Variants in CFAP57 observed in about 807,000 individuals in gnomAD.
The protein encoded by CFAP57 is cilia and flagella associated protein 57.
In CFAP57, 116 loss-of-function variants were observed where a neutral mutation model predicts 146.8. That is an observed-to-expected ratio of 0.79 (90% CI 0.68 to 0.92). The LOEUF (loss-of-function observed/expected upper bound fraction) is 0.92, where lower values mean the gene tolerates loss of function less well. CFAP57 is among the 40% of genes least tolerant of loss of function. The pLI is 0.00. For synonymous variants in CFAP57, 518 were observed against 552.8 expected (o/e 0.94, Z 0.88); for missense variants, 1,377 against 1,527.2 (o/e 0.90, Z 1.64).
chr1:43,183,899 G>T, intron 4 of CFAP57, 22 bp downstream of exon 4: 1 of 1,612,954 alleles, frequency 6.2e-7, no homozygotes. Flanking sequence ...TCCTGGGCTG[G>T]TGCTCCCACA....
intron 2 of CFAP57, among the ~76,000 whole-genome samples, chr1:43,177,472 G>A (rs1645216439): frequency 6.6e-6 from 1 of 152,142 alleles, no homozygotes; most frequent in Admixed American, 6.5e-5. Context: ...TGCTCAGTAA[G>A]CAGGTTGATT....
intron 11 of CFAP57, chr1:43,210,592 T>G (rs1644560563): frequency 4.4e-6 from 1 of 229,506 alleles, no homozygotes; most frequent in African/African-American, 2.3e-5. Flanking sequence ...AAGTACAGTG[T>G]GATTCCACTT....
At chr1:43,188,134 G>A (rs1643271765) in intron 6 of CFAP57, among the ~76,000 whole-genome samples, 1 of 152,130 alleles carries the variant, frequency 6.6e-6, no homozygotes, top group Non-Finnish European at 1.5e-5. Context: ...CCATGTTGTA[G>A]CAGGTATCAG....
chr1:43,172,413 T>G lies in CFAP57; in HGVS notation c.-60T>G. On this transcript the variant is annotated 5_prime_UTR_variant, in exon 1 of 23. Coordinates refer to ENST00000372492, the MANE Select transcript of CFAP57 (RefSeq NM_001378189.1). Reference sequence around the variant, plus strand: ...TTAGGATCCCTACAGGTAGCGCCTCTGGATACATGCGTGGTCTGCTGACCC... The same window carrying G: ...TTAGGATCCCTACAGGTAGCGCCTCGGGATACATGCGTGGTCTGCTGACCC... 1 of 1,551,264 alleles carries G rather than the reference T, an allele frequency of 6.4e-7. No homozygotes were observed.
At chr1:43,247,719 T>C (rs1445763571) in intron 22 of CFAP57, among the ~76,000 whole-genome samples, 1 of 152,254 alleles carries the variant, frequency 6.6e-6, no homozygotes, top group Non-Finnish European at 1.5e-5. Flanking sequence ...TTTCTCTGTA[T>C]GTGCAAAGAA....
chr1:43,217,691 C>G (rs894932581), intron 12 of CFAP57, among the ~76,000 whole-genome samples: 1 of 152,170 alleles, frequency 6.6e-6, no homozygotes, highest in African/African-American at 2.4e-5. Flanking sequence ...CCCTGTCTGT[C>G]TCTCGCCTGG....
In CFAP57 at chr1:43,198,405, A is replaced by G. The variant is rs1643957486; in HGVS notation, c.1263-76A>G. On this transcript the variant is annotated intron_variant, in intron 7 of 22. Coordinates refer to ENST00000372492, the MANE Select transcript of CFAP57 (RefSeq NM_001378189.1). ...GTGTCTCAAATACGATGATAACAAT[A>G]TATATCAGATACAGTAGATGACTGG... The G allele has an allele frequency of 2.7e-6, 4 of 1,463,748 alleles. No individual in the cohort carries two copies. The East Asian group carries it at 9.1e-5, about 33-fold the overall frequency. The allele number at this position is 1,463,748 out of a possible 1,614,324, so 90.7% of individuals were successfully genotyped here. A position where few individuals can be genotyped will look rare whatever the true frequency, so the allele number is the denominator to read the frequency against.
At position 43,198,560 on chromosome 1, in the gene CFAP57, G is replaced by A. The variant is rs1347058727; in HGVS notation, c.1342G>A (p.Gly448Arg). The change falls in exon 8 of 23, where the codon GGG (glycine) becomes AGG (arginine). Residue 448 changes from glycine (G) to arginine (R), a missense_variant. Gly to Arg is a moderately radical substitution (Grantham distance 125). Transcript: ENST00000372492. ...TCCATCTGGACACTTCATTGTAGTAGGGTTTGCTGACAAACTACGCCTCAT... is the reference window on the plus strand; with the variant it reads ...TCCATCTGGACACTTCATTGTAGTAAGGTTTGCTGACAAACTACGCCTCAT... The part of the protein sequence containing the change: ...LHPSGHFIVV[G>R]FADKLRLMNL... 1 of 1,614,028 alleles carries A rather than the reference G, an allele frequency of 6.2e-7. No homozygotes were observed. The highest frequency in any genetic ancestry group is 8.5e-7 in the Non-Finnish European group (1 of 1,179,980).
Position 43,209,873 on chromosome 1 carries a change from A to G in CFAP57, c.1886A>G (p.Lys629Arg). The G allele has an allele frequency of 6.2e-7, 1 of 1,614,262 alleles. No individual in the cohort carries two copies. The change falls in exon 11 of 23, where the codon AAG (lysine) becomes AGG (arginine). Residue 629 changes from lysine to arginine, a missense_variant. Lys to Arg is a conservative substitution (Grantham distance 26). Transcript: ENST00000372492. Reference protein sequence around the residue: ...RAMKYPLPLQKEFNEYQAHAG... With the variant: ...RAMKYPLPLQREFNEYQAHAG... ...ATGAAGTACCCTCTGCCTCTGCAGA[A>G]GGAATTCAATGAGTACCAGGCCCAT...
In CFAP57 at chr1:43,198,608, C is replaced by T. The variant is rs767461121; in HGVS notation, c.1390C>T (p.Arg464Cys). 14 of 1,613,686 alleles carry T rather than the reference C, an allele frequency of 8.7e-6. No homozygotes were observed. The highest frequency in any genetic ancestry group is 4.5e-5 in the East Asian group (2 of 44,874). Residue 464 changes from arginine to cysteine, a missense_variant, in exon 8 of 23, where the codon CGT (arginine) becomes TGT (cysteine). Transcript: ENST00000372492. The part of the protein sequence containing the change: ...RLMNLLIDDI[R>C]SFKEYSVRGC... ...CATGAATCTACTCATTGATGATATA[C>T]GTTCTTTCAAAGAATACTCTGTTAG...
chr1:43,244,192 C>T lies in CFAP57; in HGVS notation c.3538+833C>T, dbSNP rs1249298447. ...TAAAAACCAAGAGATTAAGGCATCT[C>T]TATGGCAAATTAAGCCAACATGGTT... On this transcript the variant is annotated intron_variant, in intron 22 of 22. Transcript: ENST00000372492. Among the ~76,000 whole-genome samples the T allele has an allele frequency of 2.7e-4, 41 of 152,198 alleles. 1 individual carries two copies. The highest frequency in any genetic ancestry group is 2.7e-3 in the Admixed American group (41 of 15,282).
At chr1:43,207,438 A>G (rs1644404519) in intron 10 of CFAP57, among the ~76,000 whole-genome samples, 1 of 152,220 alleles carries the variant, frequency 6.6e-6, no homozygotes, top group Non-Finnish European at 1.5e-5. Context: ...TACAGTATTC[A>G]GCATAGTCAC....
At chr1:43,198,692 C>G (rs557398448) in intron 8 of CFAP57, 46 bp downstream of exon 8, 6 of 1,603,634 alleles carry the variant, frequency 3.7e-6, no homozygotes, top group Non-Finnish European at 5.1e-6. Flanking sequence ...TCTTAGAAAG[C>G]CACGGCTGAA....
At chr1:43,180,750 G>C (rs902928443) in intron 2 of CFAP57, among the ~76,000 whole-genome samples, 12 of 152,148 alleles carry the variant, frequency 7.9e-5, no homozygotes, top group African/African-American at 2.9e-4. Context: ...TGCAAGGGAG[G>C]CTGAGGAATC....
chr1:43,253,150 G>C (rs1002521898), intron 22 of CFAP57, among the ~76,000 whole-genome samples: 17 of 152,172 alleles, frequency 1.1e-4, no homozygotes, highest in Non-Finnish European at 1.5e-4. Context: ...GGTGCTGTTG[G>C]GAAGATGGAG....
Position 43,253,883 on chromosome 1 carries a change from A to G in CFAP57, c.3539-94A>G, listed in dbSNP as rs75190286. On this transcript the variant is annotated intron_variant, in intron 22 of 22. Coordinates refer to ENST00000372492, the MANE Select transcript of CFAP57 (RefSeq NM_001378189.1). ...TTGAGTGCTCCACAGTAGGTGCCCA[A>G]TAAATGTTTGAGGAAGCAGGGAGGG... The G allele has an allele frequency of 6.2e-4, 719 of 1,159,744 alleles. 1 individual carries two copies. In the African/African-American group the frequency reaches 9.5e-3, roughly 15 times the overall value. 71.8% of individuals were successfully genotyped at this position (1,159,744 alleles called of 1,614,324 possible). A position where few individuals can be genotyped will look rare whatever the true frequency, so the allele number is the denominator to read the frequency against.
intron 11 of CFAP57, among the ~76,000 whole-genome samples, chr1:43,213,737 T>C (rs116321897): frequency 0.05 from 7,681 of 152,268 alleles, 650 homozygotes; most frequent in African/African-American, 0.18. Context: ...GTCTTTTTGA[T>C]AATACCTACT....
At chr1:43,227,390 C>T (rs931351804) in intron 18 of CFAP57, among the ~76,000 whole-genome samples, 11 of 152,196 alleles carry the variant, frequency 7.2e-5, no homozygotes, top group Non-Finnish European at 1.2e-4. Context: ...CCTCAGTGTG[C>T]GGTGTACTGT....
At position 43,235,769 on chromosome 1, in the gene CFAP57, C is replaced by T. The variant is rs1645663105; in HGVS notation, c.3405+1131C>T. The stretch of plus-strand genomic sequence containing the variant: ...CCTGGAGTACCTAGAGCATGGAGAG[C>T]CCCCTGGGGCTCTGGAGTGCAGTGA... On this transcript the variant is annotated intron_variant, in intron 21 of 22. Coordinates refer to ENST00000372492, the MANE Select transcript of CFAP57 (RefSeq NM_001378189.1). 3.3e-5 allele frequency among the ~76,000 whole-genome samples: 5 copies of T among 152,300 alleles called. 1 individual carries two copies. The South Asian group carries it at 1.0e-3, about 32-fold the overall frequency.
Sources: allele counts gnomAD v4.1 joint callset (sites outside exome capture counted in the v4.1 genomes callset), GRCh38; gene constraint gnomAD v4.1.1; transcripts MANE v1.5; gene names NCBI Gene and HGNC (gene_info 2026-07-23, HGNC 2026-07-21).